The following GUCY2C variants were observed in gnomAD, a reference collection of about 807,000 sequenced individuals.
GUCY2C encodes guanylyl cyclase C.
Under a neutral mutation model 131.1 loss-of-function variants are expected in GUCY2C, and 118 were observed. That is an observed-to-expected ratio of 0.90 (90% CI 0.78 to 1.05). The LOEUF (loss-of-function observed/expected upper bound fraction) is 1.05. Among genes scored for constraint, GUCY2C ranks in the 50% least tolerant of loss-of-function variants. The pLI is 0.00. For missense variants in GUCY2C, 1,161 were observed against 1,304.4 expected, an observed-to-expected ratio of 0.89 and a Z score of 1.69; for synonymous variants, 452 against 457.8, an observed-to-expected ratio of 0.99 and a Z score of 0.16.
At chr12:14,673,204 AG>A (rs1351747333) in intron 8 of GUCY2C, among the ~76,000 whole-genome samples, 1 of 152,200 alleles carries the variant, frequency 6.6e-6, no homozygotes, top group East Asian at 1.9e-4. Context: ...CATTGCATTT[AG>A]GGTGGCACTA....
At chr12:14,624,803 A>G (rs1946973174) in intron 21 of GUCY2C, among the ~76,000 whole-genome samples, 2 of 152,234 alleles carry the variant, frequency 1.3e-5, no homozygotes, top group African/African-American at 4.8e-5. Flanking sequence ...AACTAAGGCT[A>G]GGAAAAAAGC....
intron 21 of GUCY2C, 96 bp from the exon 22 acceptor site, chr12:14,622,293 A>C: frequency 1.4e-6 from 1 of 732,380 alleles, no homozygotes; most frequent in East Asian, 3.0e-5. Flanking sequence ...TCTACCAAGA[A>C]TTCTAGAATT....
At chr12:14,641,022 A>T (rs1947391002) in intron 18 of GUCY2C, 60 bp downstream of exon 18, 3 of 1,526,886 alleles carry the variant, frequency 2.0e-6, no homozygotes, top group Non-Finnish European at 2.7e-6. Flanking sequence ...GGGTCTCAGT[A>T]AGCCTAGAAA....
chr12:14,633,158 G>A (rs1256222709), intron 19 of GUCY2C, among the ~76,000 whole-genome samples: 2 of 152,124 alleles, frequency 1.3e-5, no homozygotes, highest in Non-Finnish European at 2.9e-5. Flanking sequence ...CAGATAAGCT[G>A]TCCTGGGGCC....
intron 3 of GUCY2C, 45 bp from the exon 4 acceptor site, chr12:14,683,302 T>A: frequency 8.5e-7 from 1 of 1,179,076 alleles, no homozygotes; most frequent in Non-Finnish European, 1.3e-6. Flanking sequence ...AGTATTAACT[T>A]AAGTAGCACA....
chr12:14,666,559 A>T (rs1433644298), intron 10 of GUCY2C, among the ~76,000 whole-genome samples: 1 of 152,032 alleles, frequency 6.6e-6, no homozygotes, highest in African/African-American at 2.4e-5. Flanking sequence ...ACATGGCGAA[A>T]CCCCGTCTCT....
chr12:14,670,766 T>A (rs771941969), intron 9 of GUCY2C, among the ~76,000 whole-genome samples: 2 of 151,884 alleles, frequency 1.3e-5, no homozygotes, highest in Non-Finnish European at 2.9e-5. Flanking sequence ...CCACCATGAT[T>A]GCGAGGCCTC....
chr12:14,631,511 G>T (rs1290918717), intron 19 of GUCY2C, among the ~76,000 whole-genome samples: 1 of 151,940 alleles, frequency 6.6e-6, no homozygotes, highest in Non-Finnish European at 1.5e-5. Context: ...ATAGTTTACT[G>T]AGAATGATGA....
chr12:14,674,819 C>T, intron 7 of GUCY2C, 59 bp from the exon 8 acceptor site: 3 of 1,360,162 alleles, frequency 2.2e-6, no homozygotes, highest in Non-Finnish European at 3.0e-6. Flanking sequence ...TGTCTTGAGC[C>T]TAGAACAAAA....
rs912930492 is a variant in GUCY2C, at chr12:14,679,744, A to G, written c.743T>C (p.Met248Thr). 8.4e-6 allele frequency: 13 copies of G among 1,556,668 alleles called. No individual in the cohort carries two copies. The highest frequency in any genetic ancestry group is 8.4e-5 in the Admixed American group (5 of 59,878). Residue 248 changes from methionine to threonine, a missense_variant, in exon 6 of 27, where the codon ATG becomes ACG. Physicochemically the swap from Met to Thr is moderately conservative, Grantham distance 81. Coordinates refer to ENST00000261170, the MANE Select transcript of GUCY2C (RefSeq NM_004963.4). ...DHNRKSNVII[M>T]CGGPEFLYKL... is the part of the protein sequence containing the mutation. ...GTAGAGGAACTCTGGACCACCACAC[A>G]TAATAATCACTGGAGGAGAAGGTAA...
intron 8 of GUCY2C, among the ~76,000 whole-genome samples, chr12:14,673,622 A>T (rs1948161323): frequency 6.6e-6 from 1 of 152,214 alleles, no homozygotes; most frequent in African/African-American, 2.4e-5. Context: ...TATATTGGTG[A>T]GAAATAATTT....
intron 10 of GUCY2C, 22 bp from the exon 11 acceptor site, chr12:14,661,084 GA>G: frequency 6.7e-7 from 1 of 1,492,800 alleles, no homozygotes; most frequent in Non-Finnish European, 9.3e-7. Flanking sequence ...AATGCGTTAG[GA>G]AGGACCTTAG....
chr12:14,639,141 T>G (rs1253170990), intron 19 of GUCY2C, among the ~76,000 whole-genome samples: 1 of 151,724 alleles, frequency 6.6e-6, no homozygotes, highest in African/African-American at 2.4e-5. Flanking sequence ...CTACTAAAAA[T>G]ACAAAAATTA....
At chr12:14,661,783 A>G (rs1947872697) in intron 10 of GUCY2C, among the ~76,000 whole-genome samples, 1 of 152,194 alleles carries the variant, frequency 6.6e-6, no homozygotes, top group Non-Finnish European at 1.5e-5. Context: ...AAAGTAAGTC[A>G]GTATAGAATA....
chr12:14,649,015 G>C (rs1947584519), intron 15 of GUCY2C, among the ~76,000 whole-genome samples: 1 of 152,122 alleles, frequency 6.6e-6, no homozygotes, highest in South Asian at 2.1e-4. Flanking sequence ...TTTAATTGCT[G>C]TTTTCCTTGT....
At chr12:14,678,780 G>A (rs1402607522) in intron 6 of GUCY2C, among the ~76,000 whole-genome samples, 2 of 152,144 alleles carry the variant, frequency 1.3e-5, no homozygotes, top group African/African-American at 2.4e-5. Context: ...GGCTTCTGGG[G>A]GCAAGGGGCA....
intron 10 of GUCY2C, among the ~76,000 whole-genome samples, chr12:14,667,960 G>A (rs1948014943): frequency 6.7e-6 from 1 of 148,754 alleles, no homozygotes; most frequent in African/African-American, 2.5e-5. Context: ...ATTTTTAATT[G>A]GTTGCCTGAT....
intron 15 of GUCY2C, among the ~76,000 whole-genome samples, chr12:14,645,732 G>A (rs949308058): frequency 1.3e-5 from 2 of 151,336 alleles, no homozygotes; most frequent in African/African-American, 4.9e-5. Flanking sequence ...ATATAAATTA[G>A]CTTAATTGCT....
At chr12:14,642,742 T>C (rs1238908301) in intron 17 of GUCY2C, among the ~76,000 whole-genome samples, 2 of 152,352 alleles carry the variant, frequency 1.3e-5, no homozygotes, top group East Asian at 3.9e-4. Flanking sequence ...TGACGATTTG[T>C]ACTACTATGT....
Sources: gnomAD v4.1 joint callset for allele counts (sites outside exome capture counted in the v4.1 genomes callset) on GRCh38, gnomAD v4.1.1 for gene constraint, MANE v1.5 for transcripts, NCBI Gene and HGNC (gene_info 2026-07-23, HGNC 2026-07-21) for gene names.